NPR3: variants seen among roughly 807,000 people sequenced by gnomAD.
NPR3 encodes the protein atrial natriuretic peptide receptor 3.
NPR3 carries 34 observed loss-of-function variants against 54.5 expected under a neutral mutation model. That is an observed-to-expected ratio of 0.62 (90% CI 0.47 to 0.83). The LOEUF (loss-of-function observed/expected upper bound fraction) is 0.83. Among genes scored for constraint, NPR3 ranks in the 40% least tolerant of loss-of-function variants. NPR3 has a pLI of 0.00. For missense variants in NPR3, 674 were observed against 720.8 expected (o/e 0.94, Z 0.74); for synonymous variants, 289 against 297.1 (o/e 0.97, Z 0.28).
chr5:32,749,116 C>T (rs948779410), intron 3 of NPR3, among the ~76,000 whole-genome samples: 3 of 152,012 alleles, frequency 2.0e-5, no homozygotes, highest in African/African-American at 7.2e-5. Context: ...TTGTAGAATA[C>T]ACTTTTAAAA....
At chr5:32,766,085 G>A (rs933434461) in intron 3 of NPR3, among the ~76,000 whole-genome samples, 5 of 152,210 alleles carry the variant, frequency 3.3e-5, no homozygotes, top group African/African-American at 9.7e-5. Context: ...TAATCCAACC[G>A]GAAGCCAGAG....
At chr5:32,721,249 T>C (rs553134516) in intron 1 of NPR3, among the ~76,000 whole-genome samples, 5 of 152,364 alleles carry the variant, frequency 3.3e-5, no homozygotes, top group African/African-American at 1.2e-4. Context: ...TCCTTTTGAA[T>C]CTTAAATCAC....
chr5:32,761,569 G>A (rs865878411), intron 3 of NPR3, among the ~76,000 whole-genome samples: 10 of 151,714 alleles, frequency 6.6e-5, no homozygotes, highest in Non-Finnish European at 1.3e-4. Context: ...TCAAGATCAC[G>A]GACTCTTCTG....
intron 2 of NPR3, among the ~76,000 whole-genome samples, chr5:32,732,328 T>C (rs1410275456): frequency 6.7e-6 from 1 of 149,930 alleles, no homozygotes; most frequent in Non-Finnish European, 1.5e-5. Context: ...GATCGTGTGT[T>C]AATTCTAGGC....
chr5:32,710,894 ATGTG>A (rs34939454), upstream of NPR3: 1,419 of 508,782 alleles, frequency 2.8e-3, 3 homozygotes, highest in African/African-American at 1.0e-2. Flanking sequence ...GTGTGTGTAT[ATGTG>A]TGTGTGTGTG....
At chr5:32,758,787 G>A (rs993519817) in intron 3 of NPR3, among the ~76,000 whole-genome samples, 1 of 152,174 alleles carries the variant, frequency 6.6e-6, no homozygotes, top group Non-Finnish European at 1.5e-5. Context: ...GTGTCCCAAA[G>A]ATTCTGGTAT....
At chr5:32,773,697 G>C (rs1741889758) in intron 3 of NPR3, among the ~76,000 whole-genome samples, 1 of 151,920 alleles carries the variant, frequency 6.6e-6, no homozygotes, top group African/African-American at 2.4e-5. Context: ...CTCCCTTTTT[G>C]GTATTTGTAC....
intron 2 of NPR3, among the ~76,000 whole-genome samples, chr5:32,727,524 T>G (rs549423421): frequency 8.5e-5 from 13 of 152,334 alleles, no homozygotes; most frequent in African/African-American, 3.1e-4. Flanking sequence ...CTGTATAATC[T>G]TTTACCTTAT....
intron 1 of NPR3, among the ~76,000 whole-genome samples, chr5:32,703,261 T>C (rs1737877081): frequency 6.6e-6 from 1 of 152,078 alleles, no homozygotes; most frequent in South Asian, 2.1e-4. Flanking sequence ...ATAAATGCCA[T>C]CTAATGGCAT....
upstream of NPR3, among the ~76,000 whole-genome samples, chr5:32,707,622 T>C (rs991294610): frequency 1.3e-4 from 20 of 152,272 alleles, no homozygotes; most frequent in Middle Eastern, 3.4e-3. Context: ...CCTCAGAAGG[T>C]ATTTTATTGT....
intron 3 of NPR3, among the ~76,000 whole-genome samples, chr5:32,759,671 C>T (rs146613210): frequency 0.041 from 6,307 of 152,186 alleles, 148 homozygotes; most frequent in Non-Finnish European, 0.051. Flanking sequence ...TTATTTTGCT[C>T]GTTAGTTGAT....
At chr5:32,786,084 A>G (rs1742600879) in intron 7 of NPR3, 150 bp from the exon 8 acceptor site, 1 of 566,458 alleles carries the variant, frequency 1.8e-6, no homozygotes, top group South Asian at 2.6e-5. Flanking sequence ...CTGGGGGCAC[A>G]CTACTTTAAT....
chr5:32,774,561 C>A (rs996803819), intron 3 of NPR3, 147 bp from the exon 4 acceptor site: 2 of 673,922 alleles, frequency 3.0e-6, no homozygotes, highest in African/African-American at 3.6e-5. Context: ...AAAGTCATGG[C>A]GTGATTCTTG....
At chr5:32,748,156 C>A (rs914213673) in intron 3 of NPR3, among the ~76,000 whole-genome samples, 17 of 152,258 alleles carry the variant, frequency 1.1e-4, no homozygotes, top group African/African-American at 4.1e-4. Flanking sequence ...TACTAATTTT[C>A]CTCAAAATTT....
At chr5:32,782,577 G>A (rs764475276) in intron 5 of NPR3, among the ~76,000 whole-genome samples, 19 of 152,188 alleles carry the variant, frequency 1.2e-4, no homozygotes, top group African/African-American at 3.9e-4. Context: ...CACTCTCACC[G>A]CTTCCCACAT....
intron 1 of NPR3, chr5:32,716,479 CA>C: frequency 2.2e-6 from 1 of 448,606 alleles, no homozygotes; most frequent in Non-Finnish European, 4.4e-6. Flanking sequence ...TCTTTCCAGT[CA>C]TCTTTCCAAT....
intron 6 of NPR3, 75 bp from the exon 7 acceptor site, chr5:32,784,721 T>C (rs2112076499): frequency 1.7e-6 from 2 of 1,165,748 alleles, no homozygotes; most frequent in Non-Finnish European, 2.6e-6. Flanking sequence ...AGGAACTTCT[T>C]GCAATGAATG....
intron 3 of NPR3, among the ~76,000 whole-genome samples, chr5:32,742,187 G>T (rs974527283): frequency 6.6e-6 from 1 of 151,856 alleles, no homozygotes; most frequent in Non-Finnish European, 1.5e-5. Context: ...TCTGCTATCC[G>T]TCTTGAATTC....
chr5:32,709,731 G>T (rs1386756044), upstream of NPR3: 1 of 152,200 alleles, frequency 6.6e-6, no homozygotes, highest in East Asian at 1.9e-4. Context: ...GCGATAAGGA[G>T]AGTGCTGTTA....
Sources: gnomAD v4.1 joint callset for allele counts (sites outside exome capture counted in the v4.1 genomes callset) on GRCh38, gnomAD v4.1.1 for gene constraint, MANE v1.5 for transcripts, NCBI Gene and HGNC (gene_info 2026-07-23, HGNC 2026-07-21) for gene names.